Variants in PCDHGB4 observed in about 807,000 individuals in gnomAD.
PCDHGB4 encodes the protein protocadherin gamma subfamily B, 4, also known as protocadherin gamma-B4.
Under a neutral mutation model 60.5 loss-of-function variants are expected in PCDHGB4, and 38 were observed. That is an observed-to-expected ratio of 0.63 (90% CI 0.48 to 0.82). The LOEUF is 0.82. PCDHGB4 is among the 40% of genes least tolerant of loss of function. PCDHGB4 has a pLI of 0.00. For missense variants in PCDHGB4, 1,109 were observed against 1,209.6 expected, an observed-to-expected ratio of 0.92 and a Z score of 1.23; for synonymous variants, 456 against 509.7, an observed-to-expected ratio of 0.89 and a Z score of 1.42.
At chr5:141,495,613 G>A (rs1230710705) in intron 2 of PCDHGB4, among the ~76,000 whole-genome samples, 2 of 152,068 alleles carry the variant, frequency 1.3e-5, no homozygotes, top group Non-Finnish European at 2.9e-5. Flanking sequence ...CTTGATTGCT[G>A]CACCTCAGCC....
Position 141,451,680 on chromosome 5 carries a change from A to G in PCDHGB4, c.2398-43127A>G, listed in dbSNP as rs189200375. Among the ~76,000 whole-genome samples, 85 of 152,310 alleles carry G rather than the reference A, an allele frequency of 5.6e-4. 1 individual carries two copies. The East Asian group carries it at 0.012, about 21-fold the overall frequency. On this transcript the variant is annotated intron_variant, in intron 1 of 3. Coordinates refer to ENST00000519479, the MANE Select transcript of PCDHGB4 (RefSeq NM_003736.4). The stretch of plus-strand genomic sequence containing the variant: ...GTGGACTGCTTGAGCCCAGGAGTTC[A>G]AGACCAGCCTGGGTAACATGACAAA...
chr5:141,398,740 C>T, intron 1 of PCDHGB4: 1 of 1,613,864 alleles, frequency 6.2e-7, no homozygotes, highest in Non-Finnish European at 8.5e-7. Flanking sequence ...CCGGGAACAA[C>T]AGAGTTACCA....
At chr5:141,395,111 T>G in intron 1 of PCDHGB4, 1 of 1,613,670 alleles carries the variant, frequency 6.2e-7, no homozygotes, top group Middle Eastern at 1.7e-4. Flanking sequence ...CGCGGAAGAG[T>G]CACCTGATCT....
At chr5:141,413,572 A>C in intron 1 of PCDHGB4, 2 of 1,613,890 alleles carry the variant, frequency 1.2e-6, no homozygotes, top group Non-Finnish European at 1.7e-6. Context: ...TATCAATGAC[A>C]ATGCTCCAAA....
chr5:141,394,661 C>T (rs1471316947), intron 1 of PCDHGB4: 1 of 1,613,378 alleles, frequency 6.2e-7, no homozygotes, highest in Non-Finnish European at 8.5e-7. Flanking sequence ...AGCCGGGACT[C>T]TTCTCGGTGG....
At chr5:141,480,873 C>T (rs1026513782) in intron 1 of PCDHGB4, among the ~76,000 whole-genome samples, 5 of 152,050 alleles carry the variant, frequency 3.3e-5, no homozygotes, top group Non-Finnish European at 7.4e-5. Context: ...GGTGAAACCC[C>T]GTCTCTACTA....
intron 1 of PCDHGB4, chr5:141,412,700 G>C (rs537095191): frequency 6.6e-6 from 1 of 152,574 alleles, no homozygotes; most frequent in South Asian, 2.1e-4. Flanking sequence ...TTTTATTAAA[G>C]TGTGTACATT....
intron 1 of PCDHGB4, chr5:141,428,344 G>C (rs970552377): frequency 8.4e-6 from 5 of 596,498 alleles, no homozygotes; most frequent in Non-Finnish European, 1.5e-5. Context: ...CTTCTTCCTC[G>C]CAGTGATTTT....
chr5:141,502,246 T>A (rs1449536622), intron 2 of PCDHGB4, among the ~76,000 whole-genome samples: 1 of 152,206 alleles, frequency 6.6e-6, no homozygotes, highest in African/African-American at 2.4e-5. Flanking sequence ...TTTATCCTTT[T>A]TTTTAATCCA....
intron 2 of PCDHGB4, among the ~76,000 whole-genome samples, chr5:141,502,576 T>C (rs1226513508): frequency 6.6e-6 from 1 of 152,168 alleles, no homozygotes; most frequent in African/African-American, 2.4e-5. Flanking sequence ...ATTATAAAAA[T>C]ATATTTTTAT....
rs1390739125 is a variant in PCDHGB4 at position 141,490,094 on chromosome 5, C to T, written c.2398-4713C>T. ...CTAGACTATTCTTTTGGAGACCACA[C>T]ATCTGAGGCAGTGCGGAACCTCTTT... On this transcript the variant is annotated intron_variant, in intron 1 of 3. Coordinates refer to ENST00000519479, the MANE Select transcript of PCDHGB4 (RefSeq NM_003736.4). This position sits in a 1 kb window ranked among gnomAD's most constrained non-coding sequence, Gnocchi z 5.4. 1 of 1,614,250 alleles carries T rather than the reference C, an allele frequency of 6.2e-7. No individual in the cohort carries two copies. The highest frequency in any genetic ancestry group is 2.2e-5 in the East Asian group (1 of 44,888).
intron 1 of PCDHGB4, chr5:141,427,676 T>G: frequency 1.2e-6 from 1 of 813,766 alleles, no homozygotes; most frequent in Non-Finnish European, 2.1e-6. Flanking sequence ...AAAACAACCT[T>G]CCCGGAGCCT....
At position 141,410,454 on chromosome 5, in the gene PCDHGB4, C is replaced by T. The variant is rs199849689; in HGVS notation, c.2397+20173C>T. 5,103 of 1,614,034 alleles carry T rather than the reference C, an allele frequency of 3.2e-3. 16 individuals are homozygous for T. Among genetic ancestry groups the T allele is most frequent in the Non-Finnish European group, 4.0e-3 (4,661 of 1,179,898 alleles). On this transcript the variant is annotated intron_variant, in intron 1 of 3. Transcript: ENST00000519479. ...TACAGTGAGGGGACTTTGCCTTATT[C>T]TTATAATCTGTGCATTGCACATACG... is the stretch of plus-strand genomic sequence containing the variant.
At position 141,489,754 on chromosome 5, in the gene PCDHGB4, C is replaced by G; in HGVS notation, c.2398-5053C>G. 1 of 1,614,110 alleles carries G rather than the reference C, an allele frequency of 6.2e-7. No homozygotes were observed. The highest frequency in any genetic ancestry group is 8.5e-7 in the Non-Finnish European group (1 of 1,179,972). ...CACCAATACTGTGAGCTTTTACACT[C>G]TAAGCCCCAACAGCCACTTCTCTCT... On this transcript the variant is annotated intron_variant, in intron 1 of 3. Coordinates refer to ENST00000519479, the MANE Select transcript of PCDHGB4 (RefSeq NM_003736.4). The surrounding 1 kb of genome is among the most constrained non-coding windows in gnomAD (Gnocchi z 4.5).
chr5:141,483,445 C>T (rs1332037230), intron 1 of PCDHGB4, among the ~76,000 whole-genome samples: 1 of 152,106 alleles, frequency 6.6e-6, no homozygotes, highest in Admixed American at 6.5e-5. Context: ...ACAATAAAAT[C>T]ATCAGGACTT....
chr5:141,500,445 G>A (rs1319009998), intron 2 of PCDHGB4, among the ~76,000 whole-genome samples: 1 of 151,816 alleles, frequency 6.6e-6, no homozygotes, highest in Non-Finnish European at 1.5e-5. Flanking sequence ...TCCTGACCTC[G>A]TGATCCGCCC....
intron 1 of PCDHGB4, among the ~76,000 whole-genome samples, chr5:141,457,674 A>G (rs577008886): frequency 2.9e-4 from 44 of 152,256 alleles, no homozygotes; most frequent in South Asian, 2.1e-4. Flanking sequence ...GGTTATTTCT[A>G]CATAGGACTT....
intron 1 of PCDHGB4, among the ~76,000 whole-genome samples, chr5:141,438,585 TACATAC>T (rs201018754): frequency 0.16 from 9,805 of 59,734 alleles, 612 homozygotes; most frequent in African/African-American, 0.28. Context: ...CATACATACA[TACATAC>T]ATATATATAT....
intron 1 of PCDHGB4, among the ~76,000 whole-genome samples, chr5:141,460,804 T>C (rs2098998238): frequency 1.3e-5 from 2 of 152,020 alleles, no homozygotes; most frequent in African/African-American, 4.8e-5. Flanking sequence ...AGTATATATA[T>C]GTATGTATAC....
Sources: gnomAD v4.1 joint callset for allele counts (sites outside exome capture counted in the v4.1 genomes callset) on GRCh38, gnomAD v4.1.1 for gene constraint, Gnocchi (gnomAD v3.1) non-coding constraint, MANE v1.5 for transcripts, NCBI Gene and HGNC (gene_info 2026-07-23, HGNC 2026-07-21) for gene names.